The following IFT122 variants were observed in gnomAD, a reference collection of about 807,000 sequenced individuals.
IFT122 encodes the protein intraflagellar transport 122.
IFT122 carries 118 observed loss-of-function variants against 161.6 expected under a neutral mutation model. The observed-to-expected ratio is 0.73, with a 90% CI of 0.63 to 0.85. IFT122 has a LOEUF of 0.85. Ranked by LOEUF, IFT122 falls within the 40% of genes least tolerant of loss-of-function variation. The pLI is 0.00. For missense variants in IFT122, 1,381 were observed against 1,579.6 expected (o/e 0.87, Z 2.13); for synonymous variants, 550 against 602.4 (o/e 0.91, Z 1.27).
At chr3:129,487,871 C>T (rs1448278217) in intron 15 of IFT122, 2 of 343,938 alleles carry the variant, frequency 5.8e-6, no homozygotes, top group Non-Finnish European at 1.1e-5. Flanking sequence ...GCTTGAGGGG[C>T]TTGGGAGGAC....
intron 3 of IFT122, among the ~76,000 whole-genome samples, chr3:129,457,403 C>T (rs1020311379): frequency 2.6e-5 from 4 of 152,194 alleles, no homozygotes; most frequent in Admixed American, 2.6e-4. Flanking sequence ...CCACAACCCA[C>T]CTCACCCTTC....
At chr3:129,448,472 C>T (rs1367733616) in intron 1 of IFT122, among the ~76,000 whole-genome samples, 12 of 152,232 alleles carry the variant, frequency 7.9e-5, no homozygotes, top group African/African-American at 2.4e-4. Flanking sequence ...GCATTGGGTG[C>T]GAAAAGCTGG....
chr3:129,516,163 G>A (rs1412783821), intron 26 of IFT122, among the ~76,000 whole-genome samples: 1 of 123,244 alleles, frequency 8.1e-6, no homozygotes, highest in South Asian at 2.7e-4. Flanking sequence ...CACAGAGACC[G>A]CCCCTGCACA....
Position 129,499,830 on chromosome 3 carries a change from T to C in IFT122, c.2209-72T>C. 1.9e-6 allele frequency: 3 copies of C among 1,590,358 alleles called. No homozygotes were observed. In the Admixed American group the frequency reaches 5.0e-5, roughly 27 times the overall value. The stretch of plus-strand genomic sequence containing the variant: ...GCCATGTGGAGCCCGCCCTTGCTGC[T>C]AGAAAAGCCTGATGTAACGCTGGCA... On this transcript the variant is annotated intron_variant, in intron 18 of 29. Transcript: ENST00000348417.
chr3:129,485,619 C>T (rs1178458892), intron 15 of IFT122, among the ~76,000 whole-genome samples: 1 of 152,238 alleles, frequency 6.6e-6, no homozygotes, highest in East Asian at 1.9e-4. Flanking sequence ...CTCAATTGCC[C>T]CAAACTAGCT....
intron 9 of IFT122, among the ~76,000 whole-genome samples, chr3:129,472,713 A>G (rs2077490313): frequency 6.7e-6 from 1 of 149,360 alleles, no homozygotes; most frequent in Non-Finnish European, 1.5e-5. Context: ...TTACACTTAC[A>G]TTAGACCTTT....
At chr3:129,458,900 A>G (rs1215627526) in intron 4 of IFT122, among the ~76,000 whole-genome samples, 1 of 152,200 alleles carries the variant, frequency 6.6e-6, no homozygotes, top group Non-Finnish European at 1.5e-5. Flanking sequence ...AGGTGCTTTT[A>G]TGTAGCTCAT....
chr3:129,508,887 C>G (rs1247601319), intron 23 of IFT122, among the ~76,000 whole-genome samples: 1 of 152,154 alleles, frequency 6.6e-6, no homozygotes, highest in East Asian at 1.9e-4. Context: ...TTTCTGTGAA[C>G]CAGTGCCAGC....
chr3:129,458,447 A>T, intron 3 of IFT122, 152 bp from the exon 4 acceptor site: 2 of 673,654 alleles, frequency 3.0e-6, no homozygotes, highest in Non-Finnish European at 5.2e-6. Flanking sequence ...AAATATTCTG[A>T]CTCCAAGGTC....
At chr3:129,446,084 G>C (rs766239919) in intron 1 of IFT122, among the ~76,000 whole-genome samples, 2 of 151,326 alleles carry the variant, frequency 1.3e-5, no homozygotes, top group Non-Finnish European at 2.9e-5. Flanking sequence ...CATCAACACA[G>C]ACTTTAAGTA....
Position 129,519,741 on chromosome 3 carries a change from C to T in IFT122, c.3636+9C>T, listed in dbSNP as rs765137728. On this transcript the variant is annotated intron_variant, in intron 29 of 29. Transcript: ENST00000348417. ...GCCCCTCCTGCTTCCAGGTAGGTGGCCACCCTGGTAGCTCACATGTGCTTC... is the reference window on the plus strand; with the variant it reads ...GCCCCTCCTGCTTCCAGGTAGGTGGTCACCCTGGTAGCTCACATGTGCTTC... The T allele has an allele frequency of 5.6e-6, 9 of 1,613,194 alleles. No homozygotes were observed. Among genetic ancestry groups the T allele is most frequent in the Non-Finnish European group, 7.6e-6 (9 of 1,180,026 alleles).
intron 15 of IFT122, among the ~76,000 whole-genome samples, chr3:129,487,066 A>G (rs2079374500): frequency 1.3e-5 from 2 of 152,250 alleles, no homozygotes; most frequent in East Asian, 3.8e-4. Flanking sequence ...TGGAAATTTC[A>G]AAGACAGACA....
intron 21 of IFT122, among the ~76,000 whole-genome samples, chr3:129,505,629 A>G (rs1285735571): frequency 2.6e-5 from 4 of 152,204 alleles, no homozygotes; most frequent in African/African-American, 9.7e-5. Context: ...GAGGATTAGG[A>G]TCATTTGAGT....
chr3:129,502,365 C>T (rs1046093484), intron 19 of IFT122, among the ~76,000 whole-genome samples: 1 of 152,196 alleles, frequency 6.6e-6, no homozygotes, highest in Non-Finnish European at 1.5e-5. Flanking sequence ...TCATGCCCAC[C>T]TCTTAGGGTG....
intron 5 of IFT122, 138 bp downstream of exon 5, chr3:129,461,442 CTGACAGT>C: frequency 1.4e-6 from 1 of 727,360 alleles, no homozygotes; most frequent in Non-Finnish European, 2.5e-6. Context: ...TGAGGGGAGG[CTGACAGT>C]TATTCTTTAA....
intron 21 of IFT122, among the ~76,000 whole-genome samples, chr3:129,504,783 A>C (rs573002991): frequency 6.6e-6 from 1 of 152,334 alleles, no homozygotes; most frequent in South Asian, 2.1e-4. Context: ...CAGATGAGAA[A>C]ACTGAAGGGT....
Position 129,482,520 on chromosome 3 carries a change from C to T in IFT122, c.1653+826C>T, listed in dbSNP as rs186478784. On this transcript the variant is annotated intron_variant, in intron 14 of 29. Transcript: ENST00000348417. The stretch of plus-strand genomic sequence containing the variant: ...TTACCAGGCTCCTCCTTGTTCTCAG[C>T]AGCAGAATCGATGGGGGAGGGGTCT... Among the ~76,000 whole-genome samples, 156 of 152,300 alleles carry T rather than the reference C, an allele frequency of 1.0e-3. 6 individuals are homozygous for T. In the East Asian group the frequency reaches 0.029, roughly 29 times the overall value.
At chr3:129,469,692 C>T (rs1048604079) in intron 9 of IFT122, among the ~76,000 whole-genome samples, 1 of 152,230 alleles carries the variant, frequency 6.6e-6, no homozygotes, top group African/African-American at 2.4e-5. Context: ...TCTCACACAG[C>T]TAGTAAATGG....
At chr3:129,516,284 C>T (rs1384842445) in intron 26 of IFT122, among the ~76,000 whole-genome samples, 1 of 124,674 alleles carries the variant, frequency 8.0e-6, no homozygotes, top group African/African-American at 3.7e-5. Flanking sequence ...CAGATTGCTC[C>T]TGCACACACA....
Sources: allele counts gnomAD v4.1 joint callset (sites outside exome capture counted in the v4.1 genomes callset), GRCh38; gene constraint gnomAD v4.1.1; transcripts MANE v1.5; gene names NCBI Gene and HGNC (gene_info 2026-07-23, HGNC 2026-07-21).